The following RNFT2 variants were observed in gnomAD, a reference collection of about 807,000 sequenced individuals.
The protein encoded by RNFT2 is ring finger protein, transmembrane 2, also known as E3 ubiquitin-protein ligase RNFT2.
RNFT2 carries 36 observed loss-of-function variants against 53.0 expected under a neutral mutation model. That is an observed-to-expected ratio of 0.68 (90% CI 0.52 to 0.90). RNFT2 has a LOEUF of 0.90. Among genes scored for constraint, RNFT2 ranks in the 40% least tolerant of loss-of-function variants. The probability of loss-of-function intolerance (pLI) is 0.00; values close to 1 mark genes in which losing one functional copy is unlikely to be tolerated. For synonymous variants in RNFT2, 260 were observed against 253.2 expected, an observed-to-expected ratio of 1.03 and a Z score of -0.26; for missense variants, 514 against 585.6, an observed-to-expected ratio of 0.88 and a Z score of 1.26.
chr12:116,750,894 A>G, intron 4 of RNFT2, among the ~76,000 whole-genome samples: 1 of 7,366 alleles, frequency 1.4e-4, no homozygotes, highest in East Asian at 5.4e-3. Context: ...TATATATAAT[A>G]TATATATATA....
intron 5 of RNFT2, among the ~76,000 whole-genome samples, chr12:116,763,671 C>T (rs1053983748): frequency 2.0e-5 from 3 of 150,306 alleles, no homozygotes; most frequent in Non-Finnish European, 4.4e-5. Flanking sequence ...CCCAGCTACT[C>T]GGGAGGCTGA....
intron 6 of RNFT2, among the ~76,000 whole-genome samples, chr12:116,775,126 G>A (rs1873370147): frequency 6.6e-6 from 1 of 152,020 alleles, no homozygotes; most frequent in South Asian, 2.1e-4. Flanking sequence ...CAGGTGTGGT[G>A]GCACATGCCT....
intron 7 of RNFT2, among the ~76,000 whole-genome samples, chr12:116,829,962 A>AT (rs201247739): frequency 0.044 from 6,390 of 146,524 alleles, 168 homozygotes; most frequent in Non-Finnish European, 0.058. Flanking sequence ...GAGAATGAGG[A>AT]TTTTTTTTTT....
intron 6 of RNFT2, among the ~76,000 whole-genome samples, chr12:116,770,734 T>C (rs1873134575): frequency 6.6e-6 from 1 of 152,058 alleles, no homozygotes; most frequent in Non-Finnish European, 1.5e-5. Flanking sequence ...AATTTTTTTA[T>C]TTTTAGTAGA....
rs1294975472 is a variant in RNFT2, at chr12:116,836,283, G to A, written c.1200+1G>A. On this transcript the variant is annotated splice_donor_variant, in intron 10 of 10. Coordinates refer to ENST00000257575, the MANE Select transcript of RNFT2 (RefSeq NM_001382266.1). LOFTEE classifies it high-confidence loss of function. The stretch of plus-strand genomic sequence containing the variant: ...AGAGCCTCTGATTCTCCTGTGCCAG[G>A]TGAGCAGGGCTCAGGCGGGACCATT... 4.5e-6 allele frequency: 7 copies of A among 1,567,298 alleles called. No homozygotes were observed. The highest frequency in any genetic ancestry group is 6.1e-6 in the Non-Finnish European group (7 of 1,156,076).
chr12:116,832,208 G>A (rs1471023378), intron 7 of RNFT2, among the ~76,000 whole-genome samples: 6 of 141,362 alleles, frequency 4.2e-5, no homozygotes. Context: ...ACACCTCCTT[G>A]CAGTCAGTTC....
intron 7 of RNFT2, among the ~76,000 whole-genome samples, chr12:116,793,887 G>T (rs1048256036): frequency 3.9e-5 from 6 of 152,004 alleles, no homozygotes; most frequent in African/African-American, 1.5e-4. Context: ...TTTATTTTCT[G>T]TCCTTCCCCA....
At chr12:116,792,489 C>T (rs910079377) in intron 7 of RNFT2, among the ~76,000 whole-genome samples, 3 of 152,186 alleles carry the variant, frequency 2.0e-5, no homozygotes, top group Non-Finnish European at 2.9e-5. Context: ...CGGGGATGGA[C>T]CCAGCACCCC....
At chr12:116,777,936 T>C (rs1409898590) in intron 6 of RNFT2, among the ~76,000 whole-genome samples, 2 of 152,162 alleles carry the variant, frequency 1.3e-5, no homozygotes, top group African/African-American at 4.8e-5. Flanking sequence ...CCTCAGTGCC[T>C]TATTTATAAA....
In RNFT2 at chr12:116,760,887, A is replaced by G. The variant is rs1223106045; in HGVS notation, c.628-5927A>G. Among the ~76,000 whole-genome samples the G allele has an allele frequency of 5.9e-5, 9 of 152,206 alleles. No individual in the cohort carries two copies. The East Asian group carries it at 1.7e-3, about 29-fold the overall frequency. On this transcript the variant is annotated intron_variant, in intron 5 of 10. Coordinates refer to ENST00000257575, the MANE Select transcript of RNFT2 (RefSeq NM_001382266.1). ...TCACCAAAACCTCTTCTTTTATTTC[A>G]TAATTTTTAGAGACAGAGTCTTGCT...
intron 5 of RNFT2, among the ~76,000 whole-genome samples, chr12:116,765,559 G>A (rs1382090322): frequency 6.6e-6 from 1 of 152,150 alleles, no homozygotes. Flanking sequence ...ACGAGCTGTT[G>A]AGAATCAACA....
intron 6 of RNFT2, among the ~76,000 whole-genome samples, chr12:116,771,072 T>A (rs900305726): frequency 6.6e-6 from 1 of 152,132 alleles, no homozygotes; most frequent in Non-Finnish European, 1.5e-5. Flanking sequence ...AGAGACCATA[T>A]AGCTTACAAA....
intron 7 of RNFT2, 63 bp downstream of exon 7, chr12:116,779,411 T>A: frequency 6.3e-7 from 1 of 1,578,536 alleles, no homozygotes; most frequent in Non-Finnish European, 8.7e-7. Flanking sequence ...GGATTCAGGG[T>A]GCCTTCTGAG....
At chr12:116,749,288 A>G (rs200244608) in intron 3 of RNFT2, among the ~76,000 whole-genome samples, 27 of 11,392 alleles carry the variant, frequency 2.4e-3, no homozygotes, top group Middle Eastern at 0.033. Flanking sequence ...TTCCCCCCCC[A>G]CCACCCCTTT....
At chr12:116,747,031 G>A (rs1161913286) in intron 3 of RNFT2, among the ~76,000 whole-genome samples, 1 of 152,064 alleles carries the variant, frequency 6.6e-6, no homozygotes, top group African/African-American at 2.4e-5. Flanking sequence ...TACAGATGCT[G>A]GACATATGTG....
chr12:116,853,020 G>A lies in RNFT2; in HGVS notation c.*3572G>A. 2 of 475,046 alleles carry A rather than the reference G, an allele frequency of 4.2e-6. No homozygotes were observed. The highest frequency in any genetic ancestry group is 3.7e-6 in the Non-Finnish European group (1 of 272,862). The allele number at this position is 475,046 out of a possible 1,614,324, so 29.4% of individuals were successfully genotyped here. A position where few individuals can be genotyped will look rare whatever the true frequency, so the allele number is the denominator to read the frequency against. On this transcript the variant is annotated 3_prime_UTR_variant, in exon 11 of 11. Coordinates refer to ENST00000257575, the MANE Select transcript of RNFT2 (RefSeq NM_001382266.1). ...ACACAGGGGCAGATGGGATGGTTTA[G>A]TTTAGGATTTTATTAGTGCATGCCC...
Position 116,834,712 on chromosome 12 carries a change from G to A in RNFT2, c.1032+771G>A, listed in dbSNP as rs372866437. ...TTTCATTTAACATTGTATTTTTGAG[G>A]TTCATCCACATTGTAACATGTATCA... On this transcript the variant is annotated intron_variant, in intron 8 of 10. Coordinates refer to ENST00000257575, the MANE Select transcript of RNFT2 (RefSeq NM_001382266.1). Among the ~76,000 whole-genome samples the A allele has an allele frequency of 6.6e-3, 998 of 152,136 alleles. 10 individuals are homozygous for A. The highest frequency in any genetic ancestry group is 0.028 in the South Asian group (133 of 4,828).
At chr12:116,753,740 G>A (rs970427686) in intron 4 of RNFT2, among the ~76,000 whole-genome samples, 1 of 152,176 alleles carries the variant, frequency 6.6e-6, no homozygotes, top group African/African-American at 2.4e-5. Context: ...CCCATCCCCT[G>A]ATCCAGTGCT....
At chr12:116,782,893 C>G (rs373872956) in intron 7 of RNFT2, among the ~76,000 whole-genome samples, 1 of 152,100 alleles carries the variant, frequency 6.6e-6, no homozygotes, top group African/African-American at 2.4e-5. Context: ...AAACCCTGCC[C>G]GCACCTTTGT....
Sources: allele counts gnomAD v4.1 joint callset (sites outside exome capture counted in the v4.1 genomes callset), GRCh38; gene constraint gnomAD v4.1.1; transcripts MANE v1.5; gene names NCBI Gene and HGNC (gene_info 2026-07-23, HGNC 2026-07-21).